Variants in ELAVL3 observed in about 807,000 individuals in gnomAD.
The protein encoded by ELAVL3 is ELAV-like protein 3.
A neutral mutation model predicts 34.2 loss-of-function variants in ELAVL3; 8 were observed. That is an observed-to-expected ratio of 0.23 (90% CI 0.14 to 0.42). ELAVL3 has a LOEUF of 0.42. Ranked by LOEUF, ELAVL3 falls within the 10% of genes least tolerant of loss-of-function variation. ELAVL3 has a pLI of 1.00. For missense variants in ELAVL3, 273 were observed against 518.8 expected, an observed-to-expected ratio of 0.53 and a Z score of 4.60; for synonymous variants, 209 against 222.1, an observed-to-expected ratio of 0.94 and a Z score of 0.53.
chr19:11,466,314 C>G lies in ELAVL3; in HGVS notation c.230-39G>C. 6.3e-7 allele frequency: 1 copy of G among 1,580,386 alleles called. No homozygotes were observed. The highest frequency in any genetic ancestry group is 8.7e-7 in the Non-Finnish European group (1 of 1,149,888). On this transcript the variant is annotated intron_variant, in intron 2 of 6. Transcript: ENST00000359227. The surrounding 1 kb of genome is among the most constrained non-coding windows in gnomAD (Gnocchi z 5.0). ...CAGAATGATGACCTTCCCACCCAGC[C>G]TTGACACCTGCCAGTGTCCCACCTC...
rs778868611 is a variant in ELAVL3, at chr19:11,454,851, G to A, written c.779C>T (p.Ser260Leu). Reference sequence around the variant, plus strand: ...GCTCATACCATCGATGGCGATCGGCGAGAACCTGGCGATGAGCGACAGGGG... The same window carrying A: ...GCTCATACCATCGATGGCGATCGGCAAGAACCTGGCGATGAGCGACAGGGG... ...KSPLSLIARF[S>L]PIAIDGMSGL... Residue 260 changes from serine to leucine, a missense_variant, in exon 7 of 7, where the codon TCG (serine) becomes TTG (leucine). Transcript: ENST00000359227. This position sits in a 1 kb window ranked among gnomAD's most constrained non-coding sequence, Gnocchi z 9.2. 3 of 1,603,446 alleles carry A rather than the reference G, an allele frequency of 1.9e-6. No homozygotes were observed. Among genetic ancestry groups the A allele is most frequent in the South Asian group, 1.1e-5 (1 of 90,910 alleles).
chr19:11,466,879 C>T lies in ELAVL3; in HGVS notation c.10-52G>A. 1 of 1,490,662 alleles carries T rather than the reference C, an allele frequency of 6.7e-7. No homozygotes were observed. The highest frequency in any genetic ancestry group is 9.1e-7 in the Non-Finnish European group (1 of 1,094,302). 92.3% of individuals were successfully genotyped at this position (1,490,662 alleles called of 1,614,324 possible). ...ACCGCCCAGTCCCCACACCAGGGGCCTGCGGCAATGAGTGGCTTGGTGGTG... is the reference window on the plus strand; with the variant it reads ...ACCGCCCAGTCCCCACACCAGGGGCTTGCGGCAATGAGTGGCTTGGTGGTG... On this transcript the variant is annotated intron_variant, in intron 1 of 6. Coordinates refer to ENST00000359227, the MANE Select transcript of ELAVL3 (RefSeq NM_001420.4). This position sits in a 1 kb window ranked among gnomAD's most constrained non-coding sequence, Gnocchi z 5.0.
In ELAVL3 at chr19:11,454,847, C is replaced by T. The variant is rs777718315; in HGVS notation, c.783G>A (p.Pro261=). Reference sequence around the variant, plus strand: ...GGCCGCTCATACCATCGATGGCGATCGGCGAGAACCTGGCGATGAGCGACA... The same window carrying T: ...GGCCGCTCATACCATCGATGGCGATTGGCGAGAACCTGGCGATGAGCGACA... The part of the protein sequence containing the change: ...SPLSLIARFS[P]IAIDGMSGLA... Residue 261 remains proline, a synonymous_variant, in exon 7 of 7, where the codon CCG becomes CCA. Coordinates refer to ENST00000359227, the MANE Select transcript of ELAVL3 (RefSeq NM_001420.4). The surrounding 1 kb of genome is among the most constrained non-coding windows in gnomAD (Gnocchi z 9.2). 17 of 1,604,162 alleles carry T rather than the reference C, an allele frequency of 1.1e-5. No homozygotes were observed. The highest frequency in any genetic ancestry group is 6.7e-5 in the East Asian group (3 of 44,782).
intron 3 of ELAVL3, among the ~76,000 whole-genome samples, chr19:11,465,944 G>A (rs1410010981): frequency 2.0e-5 from 3 of 152,128 alleles, no homozygotes; most frequent in Admixed American, 2.0e-4. Context: ...AGAGATCGTG[G>A]AGCCAGTACT....
At chr19:11,469,264 C>T (rs932415517) in intron 1 of ELAVL3, among the ~76,000 whole-genome samples, 3 of 151,508 alleles carry the variant, frequency 2.0e-5, no homozygotes, top group East Asian at 3.9e-4. Flanking sequence ...TCATGAATTA[C>T]GTTAATTGAT....
intron 1 of ELAVL3, among the ~76,000 whole-genome samples, chr19:11,478,414 C>G (rs1370670463): frequency 6.6e-6 from 1 of 152,150 alleles, no homozygotes; most frequent in Non-Finnish European, 1.5e-5. Flanking sequence ...GGAAGCCACA[C>G]CCGCCCTGCC....
At chr19:11,457,250 C>A (rs968938711) in intron 5 of ELAVL3, 102 bp from the exon 6 acceptor site, 5 of 1,276,756 alleles carry the variant, frequency 3.9e-6, no homozygotes, top group Admixed American at 3.1e-5. Context: ...AGGCCTGCAG[C>A]AGAGCCCTGC....
intron 1 of ELAVL3, among the ~76,000 whole-genome samples, chr19:11,472,658 A>G: frequency 6.6e-6 from 1 of 151,964 alleles, no homozygotes; most frequent in Non-Finnish European, 1.5e-5. Context: ...CCATGATGGC[A>G]CCACTGTACT....
chr19:11,464,884 TACAC>T (rs1180122275), intron 3 of ELAVL3, among the ~76,000 whole-genome samples: 1 of 89,420 alleles, frequency 1.1e-5, no homozygotes, highest in African/African-American at 6.3e-5. Context: ...CATACACACA[TACAC>T]ACACCACACA....
chr19:11,462,143 C>A (rs1472318429), intron 3 of ELAVL3, among the ~76,000 whole-genome samples: 1 of 141,650 alleles, frequency 7.1e-6, no homozygotes, highest in Non-Finnish European at 1.5e-5. Flanking sequence ...CCACTGCACT[C>A]CAGCCTGGGC....
chr19:11,454,951 T>G lies in ELAVL3; in HGVS notation c.753-74A>C. The G allele has an allele frequency of 6.8e-7, 1 of 1,467,680 alleles. No homozygotes were observed. Among genetic ancestry groups the G allele is most frequent in the Non-Finnish European group, 9.2e-7 (1 of 1,092,548 alleles). 90.9% of individuals were successfully genotyped at this position (1,467,680 alleles called of 1,614,324 possible). A position where few individuals can be genotyped will look rare whatever the true frequency, so the allele number is the denominator to read the frequency against. On this transcript the variant is annotated intron_variant, in intron 6 of 6. Coordinates refer to ENST00000359227, the MANE Select transcript of ELAVL3 (RefSeq NM_001420.4). This position sits in a 1 kb window ranked among gnomAD's most constrained non-coding sequence, Gnocchi z 9.2. Reference sequence around the variant, plus strand: ...GACCCCGTTGTGACCCTTCACACCTTTATGACCCCTGACTGTGCCATGACC... The same window carrying G: ...GACCCCGTTGTGACCCTTCACACCTGTATGACCCCTGACTGTGCCATGACC...
intron 3 of ELAVL3, among the ~76,000 whole-genome samples, chr19:11,464,131 C>CTCTCTTTCTT (rs1555732405): frequency 9.9e-6 from 1 of 101,162 alleles, no homozygotes; most frequent in African/African-American, 5.3e-5. Flanking sequence ...CTGTCTCTCT[C>CTCTCTTTCTT]TCTCTCTCTC....
At chr19:11,456,359 T>C (rs887287655) in intron 6 of ELAVL3, among the ~76,000 whole-genome samples, 19 of 151,856 alleles carry the variant, frequency 1.3e-4, no homozygotes, top group Non-Finnish European at 2.4e-4. Context: ...CTGCCTCGGC[T>C]TCCCAAAGTG....
intron 5 of ELAVL3, among the ~76,000 whole-genome samples, chr19:11,457,385 C>T (rs926221411): frequency 6.6e-6 from 1 of 152,228 alleles, no homozygotes; most frequent in Non-Finnish European, 1.5e-5. Context: ...CATCCATCCT[C>T]CCCCTCCTGG....
At chr19:11,461,897 T>G (rs1970892863) in intron 3 of ELAVL3, among the ~76,000 whole-genome samples, 1 of 152,182 alleles carries the variant, frequency 6.6e-6, no homozygotes, top group African/African-American at 2.4e-5. Context: ...TAATTAAAGC[T>G]GGGCGCGGTG....
At position 11,466,895 on chromosome 19, in the gene ELAVL3, C is replaced by G. The variant is rs1025692877; in HGVS notation, c.10-68G>C. On this transcript the variant is annotated intron_variant, in intron 1 of 6. Coordinates refer to ENST00000359227, the MANE Select transcript of ELAVL3 (RefSeq NM_001420.4). The surrounding 1 kb of genome is among the most constrained non-coding windows in gnomAD (Gnocchi z 5.0). Reference sequence around the variant, plus strand: ...ACCAGGGGCCTGCGGCAATGAGTGGCTTGGTGGTGATGAATTAGCCATGTC... The same window carrying G: ...ACCAGGGGCCTGCGGCAATGAGTGGGTTGGTGGTGATGAATTAGCCATGTC... The G allele has an allele frequency of 7.2e-7, 1 of 1,385,464 alleles. No individual in the cohort carries two copies. Among genetic ancestry groups the G allele is most frequent in the African/African-American group, 1.4e-5 (1 of 69,342 alleles). The allele number at this position is 1,385,464 out of a possible 1,614,324, so 85.8% of individuals were successfully genotyped here.
rs746380028 is a variant in ELAVL3, at chr19:11,458,018, G to T, written c.713+43C>A. ...GGGGTTCAGGGAGGGTTGCAAGCTT[G>T]GGGGCACCCGGCCTGGGGCCATCTG... On this transcript the variant is annotated intron_variant, in intron 5 of 6. Coordinates refer to ENST00000359227, the MANE Select transcript of ELAVL3 (RefSeq NM_001420.4). This position sits in a 1 kb window ranked among gnomAD's most constrained non-coding sequence, Gnocchi z 7.3. 12 of 1,585,830 alleles carry T rather than the reference G, an allele frequency of 7.6e-6. No individual in the cohort carries two copies. In the South Asian group the frequency reaches 1.3e-4, roughly 18 times the overall value.
At position 11,466,968 on chromosome 19, in the gene ELAVL3, T is replaced by C. The variant is rs570347115; in HGVS notation, c.10-141A>G. ...AGGGGTCACTTTATTATTCTAATGA[T>C]GGGAATAATGATGGGATTCCATATA... On this transcript the variant is annotated intron_variant, in intron 1 of 6. Coordinates refer to ENST00000359227, the MANE Select transcript of ELAVL3 (RefSeq NM_001420.4). The surrounding 1 kb of genome is among the most constrained non-coding windows in gnomAD (Gnocchi z 5.0). 5.0e-4 allele frequency: 327 copies of C among 648,692 alleles called. No individual in the cohort carries two copies. The highest frequency in any genetic ancestry group is 2.3e-3 in the South Asian group (119 of 51,732). The allele number at this position is 648,692 out of a possible 1,614,324, so 40.2% of individuals were successfully genotyped here.
chr19:11,457,112 C>T lies in ELAVL3; in HGVS notation c.750G>A (p.Lys250=), dbSNP rs1311738795. 6.5e-7 allele frequency: 1 copy of T among 1,535,468 alleles called. No homozygotes were observed. The highest frequency in any genetic ancestry group is 8.7e-7 in the Non-Finnish European group (1 of 1,149,654). The change falls in exon 6 of 7, where the codon AAG becomes AAA. Residue 250 remains lysine, a splice_region_variant and synonymous_variant. Coordinates refer to ENST00000359227, the MANE Select transcript of ELAVL3 (RefSeq NM_001420.4). The stretch of plus-strand genomic sequence containing the variant: ...CAGTGGGGCGGGGTCACTGTTACCT[C>T]TTGACGCCGTAGGCCATGTTGAGCA... ...DNLLNMAYGV[K]SPLSLIARFS...
Sources: gnomAD v4.1 joint callset for allele counts (sites outside exome capture counted in the v4.1 genomes callset) on GRCh38, gnomAD v4.1.1 for gene constraint, Gnocchi (gnomAD v3.1) non-coding constraint, MANE v1.5 for transcripts, NCBI Gene and HGNC (gene_info 2026-07-23, HGNC 2026-07-21) for gene names.